The following DCDC2B variants were observed in gnomAD, a reference collection of about 807,000 sequenced individuals.
DCDC2B encodes the protein doublecortin domain containing 2B.
DCDC2B carries 41 observed loss-of-function variants against 38.9 expected under a neutral mutation model. That is an observed-to-expected ratio of 1.05 (90% CI 0.82 to 1.37). The LOEUF (loss-of-function observed/expected upper bound fraction) is 1.37, where lower values mean the gene tolerates loss of function less well. Ranked by LOEUF, DCDC2B falls within the 40% of genes most tolerant of loss-of-function variation. DCDC2B has a pLI of 0.00. For missense variants in DCDC2B, 453 were observed against 427.2 expected, an observed-to-expected ratio of 1.06 and a Z score of -0.53; for synonymous variants, 181 against 171.9, an observed-to-expected ratio of 1.05 and a Z score of -0.41.
intron 1 of DCDC2B, 116 bp downstream of exon 1, chr1:32,209,475 AG>A (rs947873722): frequency 1.3e-5 from 19 of 1,451,982 alleles, no homozygotes; most frequent in Admixed American, 2.2e-5. Context: ...AACTCTATGT[AG>A]GGGGGGTGGT....
Position 32,212,714 on chromosome 1 carries a change from G to A in DCDC2B, c.675-40G>A, listed in dbSNP as rs1430600509. 5 of 1,613,476 alleles carry A rather than the reference G, an allele frequency of 3.1e-6. No homozygotes were observed. The East Asian group carries it at 8.9e-5, about 29-fold the overall frequency. ...CTGGGTCTGTGTGCTTTGACTCTATGCCCTCTGCCCACTACAAGCCTTTCC... is the reference window on the plus strand; with the variant it reads ...CTGGGTCTGTGTGCTTTGACTCTATACCCTCTGCCCACTACAAGCCTTTCC... On this transcript the variant is annotated intron_variant, in intron 5 of 8. Transcript: ENST00000409358.
Position 32,216,128 on chromosome 1 carries a change from C to T in DCDC2B, c.*231C>T. On this transcript the variant is annotated 3_prime_UTR_variant, in exon 9 of 9. Coordinates refer to ENST00000409358, the MANE Select transcript of DCDC2B (RefSeq NM_001099434.2). ...GCTATTTCCTTATGGGATTCTCTGG[C>T]CAGAGAAAGGAGTAGCTGACTAAGC... 1.5e-6 allele frequency: 1 copy of T among 677,002 alleles called. No individual in the cohort carries two copies. Among genetic ancestry groups the T allele is most frequent in the Non-Finnish European group, 2.5e-6 (1 of 407,974 alleles). The allele number at this position is 677,002 out of a possible 1,614,324, so 41.9% of individuals were successfully genotyped here.
chr1:32,210,077 C>T (rs1481305284), intron 1 of DCDC2B, among the ~76,000 whole-genome samples: 2 of 151,764 alleles, frequency 1.3e-5, no homozygotes, highest in East Asian at 3.9e-4. Context: ...CCTGTAATCC[C>T]GGCACTTTGG....
At position 32,215,820 on chromosome 1, in the gene DCDC2B, G is replaced by A. The variant is rs1239893000; in HGVS notation, c.973G>A (p.Glu325Lys). The A allele has an allele frequency of 1.3e-6, 2 of 1,552,774 alleles. No homozygotes were observed. Among genetic ancestry groups the A allele is most frequent in the African/African-American group, 1.4e-5 (1 of 73,188 alleles). Residue 325 changes from glutamate to lysine, a missense_variant, in exon 9 of 9, where the codon GAA becomes AAA. Glu to Lys is a moderately conservative substitution (Grantham distance 56). Transcript: ENST00000409358. ...CCTGCAGAGGGCAGCACAGATAGTG[G>A]AAGAGGCCTTGTCCCTGGAAAACCA... Reference protein sequence around the residue: ...PLDQRAAQIVEEALSLENQPG... With the variant: ...PLDQRAAQIVKEALSLENQPG...
intron 8 of DCDC2B, 37 bp from the exon 9 acceptor site, chr1:32,215,765 C>CA (rs1189494831): frequency 6.8e-7 from 1 of 1,478,816 alleles, no homozygotes; most frequent in Non-Finnish European, 9.2e-7. Context: ...TGGCCATACT[C>CA]ACGGCTCCAT....
intron 3 of DCDC2B, 68 bp downstream of exon 3, chr1:32,211,905 G>T: frequency 2.6e-6 from 4 of 1,557,514 alleles, no homozygotes; most frequent in Non-Finnish European, 3.5e-6. Context: ...AATGGTGTTG[G>T]GTTTGTTCTA....
intron 2 of DCDC2B, among the ~76,000 whole-genome samples, 183 bp downstream of exon 2, chr1:32,211,506 G>A (rs949968353): frequency 7.2e-5 from 11 of 152,166 alleles, no homozygotes; most frequent in South Asian, 2.1e-4. Flanking sequence ...TGCTTCTGTC[G>A]CAGCCTTTAA....
chr1:32,209,434 G>A, intron 1 of DCDC2B, 75 bp downstream of exon 1: 1 of 1,557,166 alleles, frequency 6.4e-7, no homozygotes, highest in South Asian at 1.2e-5. Flanking sequence ...TACCTACCAT[G>A]TATGTACCAG....
At position 32,212,194 on chromosome 1, in the gene DCDC2B, G is replaced by A; in HGVS notation, c.520G>A (p.Val174Met). The change falls in exon 4 of 9, where the codon GTG (valine) becomes ATG (methionine). Residue 174 changes from valine (V) to methionine (M), a missense_variant. Val to Met is a conservative substitution (Grantham distance 21). Transcript: ENST00000409358. ...TEKVKLQSGA[V>M]CKLCTLEGLP... The stretch of plus-strand genomic sequence containing the variant: ...GAAGGTCAAGTTGCAGAGTGGGGCT[G>A]TGTGCAAGTGAGTATGGGGACTGCG... The A allele has an allele frequency of 6.2e-7, 1 of 1,613,206 alleles. No individual in the cohort carries two copies. Among genetic ancestry groups the A allele is most frequent in the Admixed American group, 1.7e-5 (1 of 60,018 alleles).
At chr1:32,212,300 TC>T (rs1170527811) in intron 4 of DCDC2B, 99 bp downstream of exon 4, 2 of 1,564,390 alleles carry the variant, frequency 1.3e-6, no homozygotes, top group African/African-American at 2.7e-5. Flanking sequence ...GAAAGCATGT[TC>T]CCCCACATGG....
rs1410157747 is a variant in DCDC2B at position 32,215,458 on chromosome 1, G to C, written c.869G>C (p.Gly290Ala). The change falls in exon 8 of 9, where the codon GGA becomes GCA. Residue 290 changes from glycine (G) to alanine (A), a missense_variant. By Grantham distance (60) the Gly-to-Ala change is moderately conservative (BLOSUM62 0). Coordinates refer to ENST00000409358, the MANE Select transcript of DCDC2B (RefSeq NM_001099434.2). The part of the protein sequence containing the change: ...SFPSGVIGVY[G>A]APHRRKETAG... Reference sequence around the variant, plus strand: ...TCTTTAGGAGTTATAGGAGTATATGGAGCTCCCCACCGAAGGAAGGAGACA... The same window carrying C: ...TCTTTAGGAGTTATAGGAGTATATGCAGCTCCCCACCGAAGGAAGGAGACA... 2 of 1,612,856 alleles carry C rather than the reference G, an allele frequency of 1.2e-6. No individual in the cohort carries two copies. Among genetic ancestry groups the C allele is most frequent in the Non-Finnish European group, 1.7e-6 (2 of 1,179,678 alleles).
chr1:32,213,336 A>AT (rs923909070), intron 6 of DCDC2B, among the ~76,000 whole-genome samples: 2,647 of 138,418 alleles, frequency 0.019, 63 homozygotes, highest in African/African-American at 0.055. Flanking sequence ...CCTCTTAATA[A>AT]TTTTTTTTTT....
In DCDC2B at chr1:32,209,113, C is replaced by CAGCCAAGAGGGT; in HGVS notation, c.23_34dup (p.Ala8_Val11dup). ...TACACTATGGCAGGTGGCAGTCCAG[C>CAGCCAAGAGGGT]AGCCAAGAGGGTAGTGGTGTACCGG... On this transcript the variant is annotated inframe_insertion, in exon 1 of 9. Coordinates refer to ENST00000409358, the MANE Select transcript of DCDC2B (RefSeq NM_001099434.2). 2 of 1,613,804 alleles carry CAGCCAAGAGGGT rather than the reference C, an allele frequency of 1.2e-6. No individual in the cohort carries two copies. Among genetic ancestry groups the CAGCCAAGAGGGT allele is most frequent in the Non-Finnish European group, 1.7e-6 (2 of 1,179,814 alleles).
chr1:32,212,879 C>T, intron 6 of DCDC2B, 86 bp downstream of exon 6: 3 of 1,434,588 alleles, frequency 2.1e-6, no homozygotes, highest in Non-Finnish European at 2.9e-6. Context: ...GACCTTATTT[C>T]ACTGCATCCT....
rs763111742 is a variant in DCDC2B at position 32,216,085 on chromosome 1, G to A, written c.*188G>A. On this transcript the variant is annotated 3_prime_UTR_variant, in exon 9 of 9. Transcript: ENST00000409358. ...CCAGCCTTCCCTTCCTCTGAGCAGA[G>A]CAGCCCTGGCTGTGGGGGCTATTTC... 4 of 689,530 alleles carry A rather than the reference G, an allele frequency of 5.8e-6. No homozygotes were observed. The highest frequency in any genetic ancestry group is 9.7e-6 in the Non-Finnish European group (4 of 413,784). The allele number at this position is 689,530 out of a possible 1,614,324, so 42.7% of individuals were successfully genotyped here.
At chr1:32,212,702 C>T (rs1160202218) in intron 5 of DCDC2B, 52 bp from the exon 6 acceptor site, 2 of 1,613,082 alleles carry the variant, frequency 1.2e-6, no homozygotes, top group East Asian at 2.2e-5. Flanking sequence ...GGTCTGTGTG[C>T]TTTGACTCTA....
In DCDC2B at chr1:32,215,454, T is replaced by C. The variant is rs1638299902; in HGVS notation, c.865T>C (p.Tyr289His). 2.5e-6 allele frequency: 4 copies of C among 1,612,806 alleles called. No individual in the cohort carries two copies. The highest frequency in any genetic ancestry group is 3.4e-6 in the Non-Finnish European group (4 of 1,179,588). ...CCCCTCTTTAGGAGTTATAGGAGTA[T>C]ATGGAGCTCCCCACCGAAGGAAGGA... ...LSFPSGVIGV[Y>H]GAPHRRKETA... Residue 289 changes from tyrosine (Y) to histidine (H), a missense_variant, in exon 8 of 9, where the codon TAT (tyrosine) becomes CAT (histidine). Transcript: ENST00000409358.
intron 1 of DCDC2B, among the ~76,000 whole-genome samples, chr1:32,210,710 T>C (rs1643550371): frequency 6.6e-6 from 1 of 151,742 alleles, no homozygotes; most frequent in Admixed American, 6.6e-5. Context: ...CTAGTTTCTC[T>C]TGACTTTTTT....
Position 32,211,429 on chromosome 1 carries a change from T to G in DCDC2B, c.318+106T>G, listed in dbSNP as rs865948458. 4.5e-5 allele frequency: 52 copies of G among 1,153,084 alleles called. No individual in the cohort carries two copies. In the South Asian group the frequency reaches 6.5e-4, roughly 14 times the overall value. 71.4% of individuals were successfully genotyped at this position (1,153,084 alleles called of 1,614,324 possible). ...CAGGGAAGCAGCAGGATCTGCCAGT[T>G]CCAGGGGGGTACTTTGGAGCCAGCT... On this transcript the variant is annotated intron_variant, in intron 2 of 8. Coordinates refer to ENST00000409358, the MANE Select transcript of DCDC2B (RefSeq NM_001099434.2).
Sources: allele counts gnomAD v4.1 joint callset (sites outside exome capture counted in the v4.1 genomes callset), GRCh38; gene constraint gnomAD v4.1.1; transcripts MANE v1.5; gene names NCBI Gene and HGNC (gene_info 2026-07-23, HGNC 2026-07-21).